Variants in TTC32 observed in about 807,000 individuals in gnomAD.
TTC32 encodes tetratricopeptide repeat domain 32.
TTC32 carries 16 observed loss-of-function variants against 15.3 expected under a neutral mutation model. The observed-to-expected ratio is 1.05, with a 90% CI of 0.71 to 1.59. TTC32 has a LOEUF of 1.59. Ranked by LOEUF, TTC32 falls within the 40% of genes most tolerant of loss-of-function variation. The pLI is 0.00. For synonymous variants in TTC32, 89 were observed against 67.8 expected, an observed-to-expected ratio of 1.31 and a Z score of -1.53; for missense variants, 188 against 181.9, an observed-to-expected ratio of 1.03 and a Z score of -0.19.
rs555045130 is a variant in TTC32 at position 19,901,622 on chromosome 2, T to C, written c.149+84A>G. ...GTTATGACAAGCGCCGACCGTGAGC[T>C]CCAGAGGCAAAGATAGGAGCCCAAA... On this transcript the variant is annotated intron_variant, in intron 1 of 2. Coordinates refer to ENST00000333610, the MANE Select transcript of TTC32 (RefSeq NM_001008237.3). 6 of 1,523,126 alleles carry C rather than the reference T, an allele frequency of 3.9e-6. No individual in the cohort carries two copies. The South Asian group carries it at 7.5e-5, about 19-fold the overall frequency. 94.4% of individuals were successfully genotyped at this position (1,523,126 alleles called of 1,614,324 possible). A position where few individuals can be genotyped will look rare whatever the true frequency, so the allele number is the denominator to read the frequency against.
In TTC32 at chr2:19,897,869, C is replaced by A. The variant is rs1366850781; in HGVS notation, c.316G>T (p.Gly106Ter). The change falls in exon 2 of 3, where the codon GGA (glycine) becomes TGA (stop). Residue 106 changes from glycine (G) to a stop codon, truncating the protein, a stop_gained and splice_region_variant. Coordinates refer to ENST00000333610, the MANE Select transcript of TTC32 (RefSeq NM_001008237.3). LOFTEE classifies it high-confidence loss of function. ...ACTCAAAAAGAAAAAAAATTCTTAC[C>A]CAGCCTATACAGTATCAACCCTCTG... The part of the protein sequence containing the change: ...YNRGLILYRL[G>*]YFDDALEDFK... The A allele has an allele frequency of 6.7e-7, 1 of 1,501,596 alleles. No homozygotes were observed. Among genetic ancestry groups the A allele is most frequent in the Middle Eastern group, 1.8e-4 (1 of 5,550 alleles). 93.0% of individuals were successfully genotyped at this position (1,501,596 alleles called of 1,614,324 possible). A position where few individuals can be genotyped will look rare whatever the true frequency, so the allele number is the denominator to read the frequency against.
chr2:19,899,593 GTATT>G (rs1669568747), intron 1 of TTC32, among the ~76,000 whole-genome samples: 1 of 151,276 alleles, frequency 6.6e-6, no homozygotes, highest in Non-Finnish European at 1.5e-5. Flanking sequence ...TGTAATGATA[GTATT>G]TATTATAATG....
At chr2:19,898,732 T>C (rs1177393197) in intron 1 of TTC32, among the ~76,000 whole-genome samples, 1 of 152,196 alleles carries the variant, frequency 6.6e-6, no homozygotes, top group Non-Finnish European at 1.5e-5. Flanking sequence ...AACTAGAGGT[T>C]GCCCAAAGAG....
At chr2:19,899,175 T>C (rs552199331) in intron 1 of TTC32, among the ~76,000 whole-genome samples, 1 of 152,288 alleles carries the variant, frequency 6.6e-6, no homozygotes, top group East Asian at 1.9e-4. Flanking sequence ...ACTGTCGCAA[T>C]TTTAGAAAAC....
chr2:19,897,756 A>C, intron 2 of TTC32, 113 bp downstream of exon 2: 1 of 924,456 alleles, frequency 1.1e-6, no homozygotes, highest in Non-Finnish European at 1.5e-6. Flanking sequence ...CTCTAAACCT[A>C]AATTTCACAG....
chr2:19,899,243 A>C (rs2103367125), intron 1 of TTC32, among the ~76,000 whole-genome samples: 1 of 152,260 alleles, frequency 6.6e-6, no homozygotes, highest in East Asian at 1.9e-4. Flanking sequence ...GATGCCACTA[A>C]GCACCCCCGT....
Position 19,901,900 on chromosome 2 carries a change from G to T in TTC32, c.-46C>A. On this transcript the variant is annotated 5_prime_UTR_variant, in exon 1 of 3. Transcript: ENST00000333610. Reference sequence around the variant, plus strand: ...CGGTGTAGAATGGGGGTTGACCTCCGAGCGGTTAGAGGTGGCACCACAAAG... The same window carrying T: ...CGGTGTAGAATGGGGGTTGACCTCCTAGCGGTTAGAGGTGGCACCACAAAG... The T allele has an allele frequency of 6.2e-7, 1 of 1,609,916 alleles. No homozygotes were observed. The highest frequency in any genetic ancestry group is 1.1e-5 in the South Asian group (1 of 90,492).
chr2:19,897,005 ATTTCTTCTTTGTT>A lies in TTC32; in HGVS notation c.425_437del (p.Lys142MetfsTer24), dbSNP rs1669520402. The A allele has an allele frequency of 6.3e-7, 1 of 1,584,202 alleles. No homozygotes were observed. ...AAAAATATCAATAATTTTTTGCAAC[ATTTCTTCTTTGTT>A]TTTCTTCTTTGTCTAGAATAGTCTG... On this transcript the variant is annotated frameshift_variant, in exon 3 of 3. Coordinates refer to ENST00000333610, the MANE Select transcript of TTC32 (RefSeq NM_001008237.3). LOFTEE classifies it high-confidence loss of function.
Position 19,901,858 on chromosome 2 carries a change from A to AC in TTC32, c.-5_-4insG. 2 of 1,613,934 alleles carry AC rather than the reference A, an allele frequency of 1.2e-6. No homozygotes were observed. The highest frequency in any genetic ancestry group is 1.7e-6 in the Non-Finnish European group (2 of 1,179,912). ...TTTCTTGCCGCTGTCCTTCCATAGC[A>AC]GCCAAGGCCTAGTTTTCGGTGTAGA... On this transcript the variant is annotated 5_prime_UTR_variant, in exon 1 of 3. Transcript: ENST00000333610.
In TTC32 at chr2:19,896,931, A is replaced by G; in HGVS notation, c.*56T>C. On this transcript the variant is annotated 3_prime_UTR_variant, in exon 3 of 3. Transcript: ENST00000333610. Reference sequence around the variant, plus strand: ...AAATAGCTCAATATCTAAATTACTGATAACTAGATGCAGATGTAAGGATCA... The same window carrying G: ...AAATAGCTCAATATCTAAATTACTGGTAACTAGATGCAGATGTAAGGATCA... 1 of 1,426,102 alleles carries G rather than the reference A, an allele frequency of 7.0e-7. No individual in the cohort carries two copies. The highest frequency in any genetic ancestry group is 9.5e-7 in the Non-Finnish European group (1 of 1,056,228). The allele number at this position is 1,426,102 out of a possible 1,614,324, so 88.3% of individuals were successfully genotyped here.
chr2:19,899,334 G>C (rs919402206), intron 1 of TTC32, among the ~76,000 whole-genome samples: 1 of 152,156 alleles, frequency 6.6e-6, no homozygotes, highest in African/African-American at 2.4e-5. Context: ...CCAGTAGAGA[G>C]TTTAAAGAAA....
At chr2:19,898,187 A>G in intron 1 of TTC32, 152 bp from the exon 2 acceptor site, 1 of 664,860 alleles carries the variant, frequency 1.5e-6, no homozygotes, top group Non-Finnish European at 2.3e-6. Context: ...GTACAAATAA[A>G]GAGCTAAAAT....
chr2:19,898,081 C>G, intron 1 of TTC32, 46 bp from the exon 2 acceptor site: 1 of 1,430,460 alleles, frequency 7.0e-7, no homozygotes, highest in Non-Finnish European at 9.3e-7. Context: ...TACCAAATTC[C>G]TCTCATTTCC....
Position 19,899,645 on chromosome 2 carries a change from T to A in TTC32, c.150-1610A>T, listed in dbSNP as rs1001697847. Among the ~76,000 whole-genome samples, 7 of 148,892 alleles carry A rather than the reference T, an allele frequency of 4.7e-5. No homozygotes were observed. In the Admixed American group the frequency reaches 4.7e-4, roughly 10 times the overall value. ...GTTACCTAACCCAAATGTGAATTTT[T>A]AGGATTTGCTAACTTTCGCAAAAAA... On this transcript the variant is annotated intron_variant, in intron 1 of 2. Transcript: ENST00000333610.
intron 1 of TTC32, among the ~76,000 whole-genome samples, chr2:19,900,625 A>C (rs1031809589): frequency 6.6e-6 from 1 of 152,224 alleles, no homozygotes; most frequent in Non-Finnish European, 1.5e-5. Flanking sequence ...TGGAGTAAAA[A>C]CAAATGCTAC....
At chr2:19,900,749 C>A (rs968768413) in intron 1 of TTC32, among the ~76,000 whole-genome samples, 1 of 152,240 alleles carries the variant, frequency 6.6e-6, no homozygotes, top group Non-Finnish European at 1.5e-5. Flanking sequence ...GGTGAAAGTA[C>A]ACACACCCAC....
chr2:19,897,203 T>C lies in TTC32; in HGVS notation c.317-77A>G, dbSNP rs1225227177. On this transcript the variant is annotated intron_variant, in intron 2 of 2. Coordinates refer to ENST00000333610, the MANE Select transcript of TTC32 (RefSeq NM_001008237.3). ...TATATTATTCATGGAAAAGCTTTGA[T>C]ACATGTACTTTTGCTTTTATATTTA... The C allele has an allele frequency of 4.2e-6, 6 of 1,439,974 alleles. No homozygotes were observed. In the African/African-American group the frequency reaches 5.9e-5, roughly 14 times the overall value. 89.2% of individuals were successfully genotyped at this position (1,439,974 alleles called of 1,614,324 possible).
At chr2:19,901,461 GA>G (rs11286459) in intron 1 of TTC32, 462,848 of 507,228 alleles carry the variant, frequency 0.91, 211,457 homozygotes, top group East Asian at 0.98. Flanking sequence ...TTGGTTCCCG[GA>G]AATCTCTCCG....
chr2:19,899,332 G>C (rs1669562543), intron 1 of TTC32, among the ~76,000 whole-genome samples: 1 of 152,172 alleles, frequency 6.6e-6, no homozygotes, highest in Non-Finnish European at 1.5e-5. Context: ...TCCCAGTAGA[G>C]AGTTTAAAGA....
Sources: gnomAD v4.1 joint callset for allele counts (sites outside exome capture counted in the v4.1 genomes callset) on GRCh38, gnomAD v4.1.1 for gene constraint, MANE v1.5 for transcripts, NCBI Gene and HGNC (gene_info 2026-07-23, HGNC 2026-07-21) for gene names.